The following VTI1A variants were observed in gnomAD, a reference collection of about 807,000 sequenced individuals.
The protein encoded by VTI1A is vesicle transport through interaction with t-SNAREs homolog 1A.
VTI1A carries 22 observed loss-of-function variants against 34.9 expected under a neutral mutation model. The ratio of observed to expected loss-of-function variants is 0.63; its 90% confidence interval spans 0.45 to 0.90. The LOEUF is 0.90. VTI1A is among the 40% of genes least tolerant of loss of function. The pLI is 0.00. For synonymous variants in VTI1A, 87 were observed against 97.3 expected (o/e 0.89, Z 0.62); for missense variants, 268 against 275.6 (o/e 0.97, Z 0.20).
At chr10:112,685,038 C>T (rs1590067342) in intron 7 of VTI1A, among the ~76,000 whole-genome samples, 1 of 152,256 alleles carries the variant, frequency 6.6e-6, no homozygotes, top group East Asian at 1.9e-4. Context: ...ATTTATGATA[C>T]TCTGGAGTGA....
intron 5 of VTI1A, chr10:112,538,688 T>C (rs551152445): frequency 1.1e-5 from 2 of 174,054 alleles, no homozygotes; most frequent in Non-Finnish European, 2.4e-5. Flanking sequence ...TATTCACATA[T>C]GTAAAAATTA....
At chr10:112,643,448 CT>C in intron 5 of VTI1A, among the ~76,000 whole-genome samples, 3 of 152,186 alleles carry the variant, frequency 2.0e-5, no homozygotes, top group Non-Finnish European at 4.4e-5. Flanking sequence ...TTTACTATGA[CT>C]TAAATTATTC....
At chr10:112,523,313 A>C (rs528836067) in intron 3 of VTI1A, among the ~76,000 whole-genome samples, 29 of 152,232 alleles carry the variant, frequency 1.9e-4, no homozygotes, top group African/African-American at 6.7e-4. Flanking sequence ...AAAATCGAAA[A>C]TCGCCTTGAA....
intron 5 of VTI1A, among the ~76,000 whole-genome samples, chr10:112,587,444 G>A (rs1287588092): frequency 6.6e-6 from 1 of 152,050 alleles, no homozygotes; most frequent in East Asian, 1.9e-4. Context: ...GTGACTAAGA[G>A]AAAGTAATTG....
intron 5 of VTI1A, among the ~76,000 whole-genome samples, chr10:112,618,524 T>TATATATATATATAGAGAGAGAGAG (rs748276058): frequency 1.2e-4 from 4 of 34,582 alleles, no homozygotes; most frequent in South Asian, 1.6e-3. Flanking sequence ...TATATATATA[T>TATATATATATATAGAGAGAGAGAG]AGAGAGAGAG....
chr10:112,842,565 T>C, the VTI1A span, among the ~76,000 whole-genome samples: 3 of 152,214 alleles, frequency 2.0e-5, no homozygotes, highest in Admixed American at 1.3e-4. Flanking sequence ...GGGCCTCAGT[T>C]TTTCCCATCA....
At chr10:112,610,348 C>G (rs1845250294) in intron 5 of VTI1A, among the ~76,000 whole-genome samples, 1 of 151,954 alleles carries the variant, frequency 6.6e-6, no homozygotes, top group African/African-American at 2.4e-5. Context: ...TCTCTTGAGC[C>G]TTGTAATCTC....
At chr10:112,735,145 T>G (rs1168132217) in intron 7 of VTI1A, among the ~76,000 whole-genome samples, 1 of 152,216 alleles carries the variant, frequency 6.6e-6, no homozygotes, top group East Asian at 1.9e-4. Context: ...TTTGCTTTTT[T>G]TCCCTTCTGA....
intron 3 of VTI1A, among the ~76,000 whole-genome samples, chr10:112,479,279 C>A (rs527869339): frequency 2.8e-4 from 43 of 152,292 alleles, no homozygotes; most frequent in Middle Eastern, 3.4e-3. Context: ...GGGCTTTAGG[C>A]ATGCTACTAC....
chr10:112,785,947 T>G (rs1384193081), intron 7 of VTI1A, among the ~76,000 whole-genome samples: 1 of 152,174 alleles, frequency 6.6e-6, no homozygotes, highest in Non-Finnish European at 1.5e-5. Context: ...TTATACATTC[T>G]AGTTCTAGTT....
At chr10:112,602,244 A>C (rs1424004159) in intron 5 of VTI1A, among the ~76,000 whole-genome samples, 2 of 152,200 alleles carry the variant, frequency 1.3e-5, no homozygotes, top group East Asian at 3.8e-4. Flanking sequence ...TTTGACCTCA[A>C]CCTTGCTTGC....
chr10:112,623,436 C>CT (rs36045478), intron 5 of VTI1A, among the ~76,000 whole-genome samples: 8,368 of 134,076 alleles, frequency 0.062, 313 homozygotes, highest in Middle Eastern at 0.11. Context: ...TTAAAATAAC[C>CT]TTTTTTTTTT....
intron 5 of VTI1A, among the ~76,000 whole-genome samples, chr10:112,575,449 G>A (rs1852294756): frequency 6.6e-6 from 1 of 152,320 alleles, no homozygotes; most frequent in Non-Finnish European, 1.5e-5. Flanking sequence ...TTGCAAGAGT[G>A]GATATTGATA....
chr10:112,457,616 T>C (rs1301996731), intron 1 of VTI1A, among the ~76,000 whole-genome samples: 3 of 152,134 alleles, frequency 2.0e-5, no homozygotes, highest in Non-Finnish European at 4.4e-5. Context: ...GATTAAAGGA[T>C]TGAAGGCCTG....
intron 1 of VTI1A, among the ~76,000 whole-genome samples, chr10:112,453,019 A>G (rs187342143): frequency 6.6e-6 from 1 of 152,290 alleles, no homozygotes; most frequent in Admixed American, 6.5e-5. Flanking sequence ...TAAAACATTT[A>G]GTACTCATGG....
chr10:112,645,589 A>C (rs1198731670), intron 5 of VTI1A, among the ~76,000 whole-genome samples: 1 of 152,210 alleles, frequency 6.6e-6, no homozygotes, highest in African/African-American at 2.4e-5. Flanking sequence ...TGAAATGAGG[A>C]GTGAAGAAGC....
chr10:112,725,645 T>C lies in VTI1A; in HGVS notation c.560+56647T>C, dbSNP rs555751377. On this transcript the variant is annotated intron_variant, in intron 7 of 7. Transcript: ENST00000393077. ...TTTGCATTTACTAGCTATTATTCTA[T>C]CATATAGAAAAGCTTACTATCATCA... 3.3e-5 allele frequency among the ~76,000 whole-genome samples: 5 copies of C among 152,356 alleles called. No individual in the cohort carries two copies. The East Asian group carries it at 7.7e-4, about 23-fold the overall frequency.
At chr10:112,611,737 ATTT>A (rs3057346) in intron 5 of VTI1A, among the ~76,000 whole-genome samples, 45,079 of 100,146 alleles carry the variant, frequency 0.45, 7,411 homozygotes, top group Admixed American at 0.56. Flanking sequence ...GAGAAAGGTA[ATTT>A]TTTTTTTTTT....
intron 7 of VTI1A, among the ~76,000 whole-genome samples, chr10:112,742,260 C>T (rs959128347): frequency 2.8e-5 from 4 of 143,806 alleles, no homozygotes; most frequent in African/African-American, 1.2e-4. Context: ...TGCACAGTTG[C>T]CTTGACTTTT....
Sources: gnomAD v4.1 joint callset for allele counts (sites outside exome capture counted in the v4.1 genomes callset) on GRCh38, gnomAD v4.1.1 for gene constraint, MANE v1.5 for transcripts, NCBI Gene and HGNC (gene_info 2026-07-23, HGNC 2026-07-21) for gene names.